NKAIN2: variants seen among roughly 807,000 people sequenced by gnomAD.
NKAIN2 encodes sodium/potassium-transporting ATPase subunit beta-1-interacting protein 2.
NKAIN2 carries 14 observed loss-of-function variants against 32.6 expected under a neutral mutation model. The observed-to-expected ratio is 0.43, with a 90% CI of 0.28 to 0.67. NKAIN2 has a LOEUF of 0.67. NKAIN2 is among the 30% of genes least tolerant of loss of function. The pLI is 0.17. For missense variants in NKAIN2, 198 were observed against 258.3 expected (o/e 0.77, Z 1.60); for synonymous variants, 80 against 87.2 (o/e 0.92, Z 0.46).
chr6:124,399,331 A>G (rs1256071655), intron 3 of NKAIN2, among the ~76,000 whole-genome samples: 6 of 152,186 alleles, frequency 3.9e-5, no homozygotes, highest in African/African-American at 9.7e-5. Context: ...TGGTTCACCT[A>G]GTAGTTTTGG....
intron 4 of NKAIN2, among the ~76,000 whole-genome samples, chr6:124,701,103 A>G (rs932969220): frequency 6.7e-6 from 1 of 150,166 alleles, no homozygotes; most frequent in Non-Finnish European, 1.5e-5. Context: ...AATTTTTGGC[A>G]TAAAAATTCT....
At chr6:124,001,797 CTAAATATA>C (rs1474624745) in intron 1 of NKAIN2, among the ~76,000 whole-genome samples, 64 of 68,706 alleles carry the variant, frequency 9.3e-4, no homozygotes, top group African/African-American at 3.2e-3. Flanking sequence ...TCTCTTAGTT[CTAAATATA>C]TATATATATA....
intron 1 of NKAIN2, among the ~76,000 whole-genome samples, chr6:123,993,258 C>A (rs1779487961): frequency 6.6e-6 from 1 of 152,062 alleles, no homozygotes; most frequent in Non-Finnish European, 1.5e-5. Flanking sequence ...TAATTCATTT[C>A]ATTATAATTA....
In NKAIN2 at chr6:124,337,268, G is replaced by T. The variant is rs1278616782; in HGVS notation, c.193-17999G>T. ...TCCCATCACATTGGGAGGCCAAGAT[G>T]GGCAGATCCCTTGAGCTTAGGAGTG... On this transcript the variant is annotated intron_variant, in intron 2 of 6. Coordinates refer to ENST00000368417, the MANE Select transcript of NKAIN2 (RefSeq NM_001040214.3). 2.6e-5 allele frequency among the ~76,000 whole-genome samples: 4 copies of T among 152,130 alleles called. 1 individual carries two copies. Among genetic ancestry groups the T allele is most frequent in the Admixed American group, 2.6e-4 (4 of 15,284 alleles).
At chr6:123,919,621 T>C (rs1775656340) in intron 1 of NKAIN2, among the ~76,000 whole-genome samples, 1 of 152,138 alleles carries the variant, frequency 6.6e-6, no homozygotes, top group African/African-American at 2.4e-5. Context: ...CCCTTGAACA[T>C]TGAAACCTAC....
chr6:124,051,347 G>A (rs558642458), intron 1 of NKAIN2, among the ~76,000 whole-genome samples: 98 of 152,086 alleles, frequency 6.4e-4, no homozygotes, highest in Non-Finnish European at 1.0e-3. Flanking sequence ...AGTTCAGAAA[G>A]AACAATTTTT....
rs1368259827 is a variant in NKAIN2 at position 123,804,193 on chromosome 6, C to A, written c.-8C>A. ...GACAGTCTGGCTGTGGCAGGGGTCTCGGAAACCATGGGTTATTGCAGTGGC... is the reference window on the plus strand; with the variant it reads ...GACAGTCTGGCTGTGGCAGGGGTCTAGGAAACCATGGGTTATTGCAGTGGC... On this transcript the variant is annotated 5_prime_UTR_variant, in exon 1 of 7. Coordinates refer to ENST00000368417, the MANE Select transcript of NKAIN2 (RefSeq NM_001040214.3). 4 of 1,613,530 alleles carry A rather than the reference C, an allele frequency of 2.5e-6. No individual in the cohort carries two copies. The East Asian group carries it at 6.7e-5, about 27-fold the overall frequency.
chr6:123,970,285 T>A (rs1778280824), intron 1 of NKAIN2, among the ~76,000 whole-genome samples: 1 of 152,176 alleles, frequency 6.6e-6, no homozygotes, highest in Non-Finnish European at 1.5e-5. Flanking sequence ...ATGGTAAGGC[T>A]GGTATGTATA....
At chr6:124,231,703 C>G (rs1792469769) in intron 1 of NKAIN2, among the ~76,000 whole-genome samples, 1 of 152,088 alleles carries the variant, frequency 6.6e-6, no homozygotes, top group Non-Finnish European at 1.5e-5. Flanking sequence ...TCCACCTTGC[C>G]TTCTGCCATG....
intron 3 of NKAIN2, among the ~76,000 whole-genome samples, chr6:124,383,217 C>T (rs1192789614): frequency 2.0e-5 from 3 of 152,042 alleles, no homozygotes; most frequent in Non-Finnish European, 4.4e-5. Flanking sequence ...AAATAATATC[C>T]ATCCTCACAG....
chr6:124,207,268 G>A (rs1790941204), intron 1 of NKAIN2, among the ~76,000 whole-genome samples: 1 of 150,674 alleles, frequency 6.6e-6, no homozygotes. Flanking sequence ...CTCCAGCCTG[G>A]GCAACAGAGA....
chr6:124,674,952 C>G (rs1304940), intron 4 of NKAIN2, among the ~76,000 whole-genome samples: 9 of 151,920 alleles, frequency 5.9e-5, no homozygotes, highest in African/African-American at 2.2e-4. Context: ...AGAAAAAACT[C>G]TCCATTTTTC....
At chr6:123,854,069 G>A (rs757162159) in intron 1 of NKAIN2, among the ~76,000 whole-genome samples, 5 of 152,002 alleles carry the variant, frequency 3.3e-5, no homozygotes, top group African/African-American at 1.2e-4. Context: ...CACCACACCC[G>A]CCCGATAAAT....
intron 3 of NKAIN2, among the ~76,000 whole-genome samples, chr6:124,537,242 G>C (rs1223067504): frequency 1.3e-5 from 2 of 152,200 alleles, no homozygotes; most frequent in Admixed American, 1.3e-4. Context: ...TAGAATGGTG[G>C]AAGAGGAAAT....
At chr6:124,692,786 C>T (rs559008132) in intron 4 of NKAIN2, among the ~76,000 whole-genome samples, 1 of 151,924 alleles carries the variant, frequency 6.6e-6, no homozygotes, top group South Asian at 2.1e-4. Context: ...ACTGCACACC[C>T]AGCCTAGGCG....
At chr6:124,088,103 A>C (rs1784264956) in intron 1 of NKAIN2, among the ~76,000 whole-genome samples, 2 of 152,150 alleles carry the variant, frequency 1.3e-5, no homozygotes. Flanking sequence ...TGAGTAACAT[A>C]AAGTTGCCAA....
chr6:123,930,903 C>T (rs1235393830), intron 1 of NKAIN2, among the ~76,000 whole-genome samples: 1 of 151,944 alleles, frequency 6.6e-6, no homozygotes, highest in African/African-American at 2.4e-5. Flanking sequence ...ACAAGTTATA[C>T]GATTAATAGA....
chr6:124,781,370 G>A (rs1779257406), intron 4 of NKAIN2, among the ~76,000 whole-genome samples: 1 of 152,026 alleles, frequency 6.6e-6, no homozygotes, highest in Non-Finnish European at 1.5e-5. Context: ...TAGCAGAATG[G>A]CTGTAAAGAT....
intron 1 of NKAIN2, among the ~76,000 whole-genome samples, chr6:124,194,016 T>C (rs1790172517): frequency 6.6e-6 from 1 of 152,062 alleles, no homozygotes; most frequent in South Asian, 2.1e-4. Context: ...TGCAGGCAAG[T>C]CGTCCCATTG....
Sources: gnomAD v4.1 joint callset for allele counts (sites outside exome capture counted in the v4.1 genomes callset) on GRCh38, gnomAD v4.1.1 for gene constraint, MANE v1.5 for transcripts, NCBI Gene and HGNC (gene_info 2026-07-23, HGNC 2026-07-21) for gene names.